The following RABGAP1L variants were observed in gnomAD, a reference collection of about 807,000 sequenced individuals.
RABGAP1L encodes the protein rab GTPase-activating protein 1-like.
Under a neutral mutation model 137.7 loss-of-function variants are expected in RABGAP1L, and 63 were observed. The observed-to-expected ratio is 0.46, with a 90% CI of 0.37 to 0.56. The LOEUF is 0.56. Among genes scored for constraint, RABGAP1L ranks in the 20% least tolerant of loss-of-function variants. The pLI, the probability that RABGAP1L is intolerant of heterozygous loss-of-function variation, is 0.00. For missense variants in RABGAP1L, 1,095 were observed against 1,244.0 expected (o/e 0.88, Z 1.80); for synonymous variants, 431 against 433.7 (o/e 0.99, Z 0.08).
At chr1:174,717,935 A>G (rs1323470072) in intron 17 of RABGAP1L, among the ~76,000 whole-genome samples, 2 of 152,214 alleles carry the variant, frequency 1.3e-5, no homozygotes, top group Non-Finnish European at 2.9e-5. Flanking sequence ...TCAAACTGTT[A>G]TAGTTCACAC....
At chr1:174,826,241 T>G (rs952092343) in intron 19 of RABGAP1L, among the ~76,000 whole-genome samples, 1 of 152,196 alleles carries the variant, frequency 6.6e-6, no homozygotes, top group Non-Finnish European at 1.5e-5. Context: ...TCTTTTTTTC[T>G]TTTTTTGGAG....
chr1:174,601,925 C>G (rs1670445339), intron 13 of RABGAP1L, among the ~76,000 whole-genome samples: 1 of 152,100 alleles, frequency 6.6e-6, no homozygotes, highest in Non-Finnish European at 1.5e-5. Context: ...GCCCCATTTC[C>G]CAACAAGTTC....
At chr1:174,538,221 C>T (rs557800683) in intron 13 of RABGAP1L, among the ~76,000 whole-genome samples, 5 of 152,258 alleles carry the variant, frequency 3.3e-5, no homozygotes, top group African/African-American at 1.2e-4. Flanking sequence ...TTCCAAAGTC[C>T]AGATCAAATG....
intron 3 of RABGAP1L, 114 bp downstream of exon 3, chr1:174,221,278 T>C: frequency 1.2e-6 from 1 of 853,704 alleles, no homozygotes; most frequent in South Asian, 2.2e-5. Context: ...CAGTTCTTGT[T>C]GAGAGTTTCC....
At chr1:174,721,093 C>G (rs530305138) in intron 17 of RABGAP1L, among the ~76,000 whole-genome samples, 1 of 152,224 alleles carries the variant, frequency 6.6e-6, no homozygotes, top group African/African-American at 2.4e-5. Context: ...ACTGATTTAA[C>G]AGTTGTGTAT....
chr1:174,825,308 T>C (rs925757022), intron 19 of RABGAP1L, among the ~76,000 whole-genome samples: 3 of 152,336 alleles, frequency 2.0e-5, no homozygotes, highest in Middle Eastern at 3.4e-3. Flanking sequence ...CACGTTCTCA[T>C]TGTGGCACAA....
chr1:174,507,596 C>T (rs1661945709), intron 13 of RABGAP1L, among the ~76,000 whole-genome samples: 1 of 151,922 alleles, frequency 6.6e-6, no homozygotes, highest in African/African-American at 2.4e-5. Context: ...TTTACCATAG[C>T]TGCTAATGAG....
At position 174,185,582 on chromosome 1, in the gene RABGAP1L, AT is replaced by A. The variant is rs535590724; in HGVS notation, c.-34+25927del. Among the ~76,000 whole-genome samples, 42 of 152,328 alleles carry A rather than the reference AT, an allele frequency of 2.8e-4. 1 individual carries two copies. Among genetic ancestry groups the A allele is most frequent in the Middle Eastern group, 3.4e-3 (1 of 294 alleles). On this transcript the variant is annotated intron_variant, in intron 1 of 25. Transcript: ENST00000681986. ...AGTGCAATTCTACTTCTCCCTATAC[AT>A]TGTTTAATAAGCATATGCCTTTTAA...
At chr1:174,522,750 G>A (rs1663533512) in intron 13 of RABGAP1L, among the ~76,000 whole-genome samples, 1 of 152,148 alleles carries the variant, frequency 6.6e-6, no homozygotes, top group Non-Finnish European at 1.5e-5. Context: ...TGAAAGGGGA[G>A]CAAGCATGTC....
intron 23 of RABGAP1L, among the ~76,000 whole-genome samples, chr1:174,981,824 TAAG>T (rs1019736209): frequency 2.6e-4 from 39 of 152,148 alleles, no homozygotes; most frequent in Middle Eastern, 3.2e-3. Context: ...TCAGAATCAA[TAAG>T]AAGAATATAT....
chr1:174,272,582 T>C (rs1674648183), intron 8 of RABGAP1L, 102 bp downstream of exon 8: 3 of 1,351,252 alleles, frequency 2.2e-6, no homozygotes, highest in African/African-American at 1.5e-5. Flanking sequence ...TCAAAATTAT[T>C]TCTTGCAGCT....
intron 13 of RABGAP1L, among the ~76,000 whole-genome samples, chr1:174,567,235 CCTATT>C (rs1161585047): frequency 6.6e-6 from 1 of 152,094 alleles, no homozygotes; most frequent in African/African-American, 2.4e-5. Context: ...TATGAATTTG[CCTATT>C]CTAAGTACTT....
At chr1:174,481,185 T>C (rs1182250306) in intron 13 of RABGAP1L, among the ~76,000 whole-genome samples, 1 of 152,230 alleles carries the variant, frequency 6.6e-6, no homozygotes, top group African/African-American at 2.4e-5. Context: ...ACAGCTGCTG[T>C]CTAGCTTCTG....
chr1:174,282,072 T>A (rs1675619061), intron 10 of RABGAP1L, among the ~76,000 whole-genome samples: 1 of 152,252 alleles, frequency 6.6e-6, no homozygotes, highest in South Asian at 2.1e-4. Context: ...GATCATATGT[T>A]GGCAATTTGA....
intron 13 of RABGAP1L, among the ~76,000 whole-genome samples, chr1:174,418,821 T>G (rs1172973141): frequency 6.6e-6 from 1 of 152,126 alleles, no homozygotes; most frequent in Non-Finnish European, 1.5e-5. Context: ...GGTGGATTAC[T>G]TGAGGTCAGG....
chr1:174,800,238 C>T, intron 18 of RABGAP1L: 1 of 1,455,920 alleles, frequency 6.9e-7, no homozygotes, highest in Non-Finnish European at 9.1e-7. Context: ...TACGTCCTCC[C>T]AGGGAGACCT....
chr1:174,351,146 AGTT>A (rs1406623945), intron 11 of RABGAP1L, among the ~76,000 whole-genome samples: 4 of 150,680 alleles, frequency 2.7e-5, no homozygotes, highest in African/African-American at 9.8e-5. Flanking sequence ...ACTCTTGAAA[AGTT>A]GTAGTTATTT....
chr1:174,445,935 C>A (rs563033227), intron 13 of RABGAP1L, among the ~76,000 whole-genome samples: 1 of 152,118 alleles, frequency 6.6e-6, no homozygotes, highest in Non-Finnish European at 1.5e-5. Context: ...CAGTCTTGAT[C>A]GGAGCTTGCC....
intron 13 of RABGAP1L, among the ~76,000 whole-genome samples, chr1:174,615,830 G>A (rs1003010529): frequency 3.3e-5 from 5 of 152,190 alleles, no homozygotes; most frequent in East Asian, 1.9e-4. Context: ...TTTGATCTCC[G>A]ACTGTTGTGC....
Sources: allele counts gnomAD v4.1 joint callset (sites outside exome capture counted in the v4.1 genomes callset), GRCh38; gene constraint gnomAD v4.1.1; transcripts MANE v1.5; gene names NCBI Gene and HGNC (gene_info 2026-07-23, HGNC 2026-07-21).